TRAP1: variants seen among roughly 807,000 people sequenced by gnomAD.
The protein encoded by TRAP1 is heat shock protein 75 kDa, mitochondrial.
Under a neutral mutation model 89.1 loss-of-function variants are expected in TRAP1, and 102 were observed. The ratio of observed to expected loss-of-function variants is 1.15; its 90% confidence interval spans 0.98 to 1.35. The LOEUF is 1.35. TRAP1 is among the 40% of genes most tolerant of loss of function. The pLI is 0.00. For synonymous variants in TRAP1, 508 were observed against 388.0 expected, an observed-to-expected ratio of 1.31 and a Z score of -3.64; for missense variants, 1,256 against 945.3, an observed-to-expected ratio of 1.33 and a Z score of -4.31.
At chr16:3,674,120 T>A (rs1343067731) in intron 9 of TRAP1, among the ~76,000 whole-genome samples, 1 of 152,208 alleles carries the variant, frequency 6.6e-6, no homozygotes, top group East Asian at 1.9e-4. Context: ...GGGGTCTCAC[T>A]ATGTTGGCCA....
intron 1 of TRAP1, among the ~76,000 whole-genome samples, chr16:3,694,718 T>C (rs11862646): frequency 0.18 from 27,048 of 152,104 alleles, 2,689 homozygotes; most frequent in East Asian, 0.4. Flanking sequence ...ACTCAAGTAA[T>C]CCTCCCACTT....
intron 1 of TRAP1, among the ~76,000 whole-genome samples, chr16:3,699,096 G>A (rs1255618695): frequency 1.3e-5 from 2 of 152,068 alleles, no homozygotes; most frequent in African/African-American, 4.8e-5. Context: ...AGCACTGATA[G>A]TTTGAATGTG....
intron 4 of TRAP1, among the ~76,000 whole-genome samples, chr16:3,682,454 A>T (rs2051085124): frequency 6.6e-6 from 1 of 151,406 alleles, no homozygotes; most frequent in Non-Finnish European, 1.5e-5. Flanking sequence ...CAGTGGTGTG[A>T]TCTCCGCTCA....
At chr16:3,662,472 C>T in intron 15 of TRAP1, 1 of 518,266 alleles carries the variant, frequency 1.9e-6, no homozygotes, top group Non-Finnish European at 3.5e-6. Context: ...ATTTCTCACT[C>T]TGAGCTAGAC....
chr16:3,669,190 G>T (rs535120491), intron 11 of TRAP1, among the ~76,000 whole-genome samples: 20 of 152,334 alleles, frequency 1.3e-4, no homozygotes, highest in African/African-American at 4.6e-4. Flanking sequence ...GAAGTGAACT[G>T]AAACATTGGG....
chr16:3,682,397 A>C (rs2151262764), intron 4 of TRAP1, among the ~76,000 whole-genome samples: 1 of 151,722 alleles, frequency 6.6e-6, no homozygotes, highest in East Asian at 1.9e-4. Flanking sequence ...CAAAAAAAAA[A>C]AAAAAAAAAT....
Position 3,664,437 on chromosome 16 carries a change from C to T in TRAP1, c.1406G>A (p.Arg469His), listed in dbSNP as rs144787542. The change falls in exon 13 of 18, where the codon CGC becomes CAC. Residue 469 changes from arginine (R) to histidine (H), a missense_variant. Transcript: ENST00000246957. ...EVKEDIAKLL[R>H]YESSALPSGQ... ...GGAGGGCAGCGCCGAGGACTCGTAG[C>T]GCAGCAGCTTTGCTATGTCCTCCTA... 7.1e-3 allele frequency: 11,408 copies of T among 1,611,828 alleles called. 85 individuals carry two copies. Among genetic ancestry groups the T allele is most frequent in the Non-Finnish European group, 8.3e-3 (9,786 of 1,179,226 alleles).
chr16:3,670,411 A>AAAAAAAC (rs2050897453), intron 11 of TRAP1, among the ~76,000 whole-genome samples: 2 of 144,430 alleles, frequency 1.4e-5, no homozygotes, highest in Admixed American at 6.9e-5. Flanking sequence ...AAAAAAAAAA[A>AAAAAAAC]TCTAAGTGGC....
At position 3,658,960 on chromosome 16, in the gene TRAP1, C is replaced by T. The variant is rs1036850099; in HGVS notation, c.1941-95G>A. On this transcript the variant is annotated intron_variant, in intron 16 of 17. Coordinates refer to ENST00000246957, the MANE Select transcript of TRAP1 (RefSeq NM_016292.3). ...GATTATCAGGATATTTAAAGAAGCA[C>T]AGTAAGACTGTCTGTAGTTTTTTAA... 27 of 1,247,248 alleles carry T rather than the reference C, an allele frequency of 2.2e-5. 1 individual carries two copies. The highest frequency in any genetic ancestry group is 2.6e-5 in the South Asian group (2 of 77,806). 77.3% of individuals were successfully genotyped at this position (1,247,248 alleles called of 1,614,324 possible). A position where few individuals can be genotyped will look rare whatever the true frequency, so the allele number is the denominator to read the frequency against.
intron 1 of TRAP1, among the ~76,000 whole-genome samples, chr16:3,695,153 G>T (rs564839018): frequency 6.6e-6 from 1 of 152,244 alleles, no homozygotes; most frequent in African/African-American, 2.4e-5. Context: ...CACCTGCAAA[G>T]ACCCTATTTC....
chr16:3,716,355 G>C (rs1442137062), intron 1 of TRAP1, among the ~76,000 whole-genome samples: 3 of 152,158 alleles, frequency 2.0e-5, no homozygotes, highest in Non-Finnish European at 4.4e-5. Context: ...AATTATGTAA[G>C]GCTAAAGAAA....
Position 3,677,672 on chromosome 16 carries a change from G to A in TRAP1, c.544-14C>T. 6.2e-7 allele frequency: 1 copy of A among 1,610,272 alleles called. No individual in the cohort carries two copies. The highest frequency in any genetic ancestry group is 1.3e-5 in the African/African-American group (1 of 74,930). On this transcript the variant is annotated splice_polypyrimidine_tract_variant and intron_variant, in intron 5 of 17. Transcript: ENST00000246957. ...ATCCAGGAAGGCCTGTGGGGCAGAG[G>A]CCAGTTAGTGAGGCAGCCTCCCCTC...
intron 1 of TRAP1, among the ~76,000 whole-genome samples, chr16:3,711,524 G>A (rs1041127454): frequency 4.6e-5 from 7 of 151,912 alleles, no homozygotes; most frequent in Non-Finnish European, 8.8e-5. Context: ...GCTTGAACCC[G>A]GGAGGTGGAG....
At chr16:3,704,817 C>T (rs982355971) in intron 1 of TRAP1, among the ~76,000 whole-genome samples, 1 of 152,094 alleles carries the variant, frequency 6.6e-6, no homozygotes, top group Non-Finnish European at 1.5e-5. Flanking sequence ...AGTTCTAGAC[C>T]AGCCTGGGCA....
chr16:3,670,791 A>G (rs1370064368), intron 11 of TRAP1, among the ~76,000 whole-genome samples: 1 of 152,156 alleles, frequency 6.6e-6, no homozygotes, highest in Non-Finnish European at 1.5e-5. Context: ...AGGCAGGAGG[A>G]TATCACCGGC....
chr16:3,661,792 C>G, intron 16 of TRAP1, 195 bp downstream of exon 16: 1 of 596,366 alleles, frequency 1.7e-6, no homozygotes, highest in Non-Finnish European at 2.6e-6. Context: ...CAGGTGACAC[C>G]TGGGGATGGT....
At position 3,672,658 on chromosome 16, in the gene TRAP1, C is replaced by A. The variant is rs747494721; in HGVS notation, c.1165+42G>T. 3 of 1,581,412 alleles carry A rather than the reference C, an allele frequency of 1.9e-6. No individual in the cohort carries two copies. In the Admixed American group the frequency reaches 5.3e-5, roughly 28 times the overall value. On this transcript the variant is annotated intron_variant, in intron 10 of 17. Coordinates refer to ENST00000246957, the MANE Select transcript of TRAP1 (RefSeq NM_016292.3). The stretch of plus-strand genomic sequence containing the variant: ...TCCCTCACAGATGCAGCGGGCGACA[C>A]TGGGCCACGGGGGCACTGCTCACGG...
At chr16:3,692,330 G>T (rs1202463410) in intron 1 of TRAP1, among the ~76,000 whole-genome samples, 2 of 152,096 alleles carry the variant, frequency 1.3e-5, no homozygotes, top group Non-Finnish European at 2.9e-5. Context: ...GAGGTCAGGA[G>T]TTCGAGACCA....
rs2050913274 is a variant in TRAP1 at position 3,671,587 on chromosome 16, C to A, written c.1235+135G>T. The A allele has an allele frequency of 5.7e-6, 5 of 873,516 alleles. No individual in the cohort carries two copies. The Admixed American group carries it at 1.1e-4, about 19-fold the overall frequency. The allele number at this position is 873,516 out of a possible 1,614,324, so 54.1% of individuals were successfully genotyped here. On this transcript the variant is annotated intron_variant, in intron 11 of 17. Coordinates refer to ENST00000246957, the MANE Select transcript of TRAP1 (RefSeq NM_016292.3). ...AGCACCTGGAAGGCTCCTGAGGGCC[C>A]CCATGTGCAGGCCGGGCTTCCCCGA...
Sources: gnomAD v4.1 joint callset for allele counts (sites outside exome capture counted in the v4.1 genomes callset) on GRCh38, gnomAD v4.1.1 for gene constraint, MANE v1.5 for transcripts, NCBI Gene and HGNC (gene_info 2026-07-23, HGNC 2026-07-21) for gene names.